The following MAP3K9 variants were observed in gnomAD, a reference collection of about 807,000 sequenced individuals.
MAP3K9 encodes the protein mitogen-activated protein kinase kinase kinase 9, also known as mixed lineage kinase 1 (tyr and ser/thr specificity).
Under a neutral mutation model 95.8 loss-of-function variants are expected in MAP3K9, and 46 were observed. The ratio of observed to expected loss-of-function variants is 0.48; its 90% CI spans 0.38 to 0.61. The LOEUF (loss-of-function observed/expected upper bound fraction) is 0.61, where lower values mean the gene tolerates loss of function less well. MAP3K9 is among the 20% of genes least tolerant of loss of function. The probability of loss-of-function intolerance (pLI) is 0.00; values close to 1 mark genes in which losing one functional copy is unlikely to be tolerated. For synonymous variants in MAP3K9, 533 were observed against 593.8 expected, an observed-to-expected ratio of 0.90 and a Z score of 1.49; for missense variants, 1,296 against 1,474.3, an observed-to-expected ratio of 0.88 and a Z score of 1.98.
At chr14:70,751,571 T>C (rs908013291) in intron 3 of MAP3K9, among the ~76,000 whole-genome samples, 20 of 151,782 alleles carry the variant, frequency 1.3e-4, no homozygotes, top group African/African-American at 4.4e-4. Flanking sequence ...ATACAAAAAT[T>C]AGCCAGGTGT....
intron 3 of MAP3K9, among the ~76,000 whole-genome samples, chr14:70,759,513 A>C (rs1442684754): frequency 2.0e-5 from 3 of 152,194 alleles, no homozygotes; most frequent in African/African-American, 7.2e-5. Context: ...GGTGGCCCTA[A>C]AAAGCTATAT....
Position 70,730,684 on chromosome 14 carries a change from A to T in MAP3K9, c.3011T>A (p.Leu1004Gln). The T allele has an allele frequency of 1.9e-6, 3 of 1,613,820 alleles. No homozygotes were observed. Among genetic ancestry groups the T allele is most frequent in the Non-Finnish European group, 2.5e-6 (3 of 1,180,022 alleles). ...RPRPSANRQR[L>Q]DPWWFVSPSH... ...GGGGGACACAAACCACCAAGGGTCC[A>T]GCCGTTGCCGGTTGGCAGAAGGACG... Residue 1004 changes from leucine (L) to glutamine (Q), a missense_variant, in exon 12 of 12, where the codon CTG (leucine) becomes CAG (glutamine). Physicochemically the swap from Leu to Gln is moderately radical, Grantham distance 113. Coordinates refer to ENST00000554752, the MANE Select transcript of MAP3K9 (RefSeq NM_001284230.2).
intron 2 of MAP3K9, 101 bp from the exon 3 acceptor site, chr14:70,761,283 G>A (rs11621281): frequency 0.31 from 287,453 of 927,976 alleles, 46,174 homozygotes; most frequent in Admixed American, 0.36. Flanking sequence ...TCTCCTGTGG[G>A]CTCCAGCATT....
chr14:70,734,354 C>T, intron 10 of MAP3K9, 32 bp downstream of exon 10: 1 of 1,490,900 alleles, frequency 6.7e-7, no homozygotes. Context: ...AGCAGGGAGA[C>T]AGCCAAGACT....
At chr14:70,747,777 A>G (rs1026975581) in intron 5 of MAP3K9, among the ~76,000 whole-genome samples, 43 of 152,340 alleles carry the variant, frequency 2.8e-4, no homozygotes, top group African/African-American at 1.0e-3. Flanking sequence ...AAACAATTTT[A>G]GCTATCATTA....
At chr14:70,734,651 C>T (rs1166777310) in intron 9 of MAP3K9, among the ~76,000 whole-genome samples, 153 bp from the exon 10 acceptor site, 1 of 152,218 alleles carries the variant, frequency 6.6e-6, no homozygotes, top group Non-Finnish European at 1.5e-5. Flanking sequence ...ACCAAGCCCA[C>T]CTGCTTCACA....
chr14:70,806,180 G>A lies in MAP3K9; in HGVS notation c.406+2586C>T, dbSNP rs554405174. On this transcript the variant is annotated intron_variant, in intron 1 of 11. Transcript: ENST00000554752. ...GGTTTGTCAATCGTCTTCACTTTCC[G>A]AGTGACACAAACTGATCTGGTAGAG... Among the ~76,000 whole-genome samples, 6 of 152,260 alleles carry A rather than the reference G, an allele frequency of 3.9e-5. No individual in the cohort carries two copies. The East Asian group carries it at 1.2e-3, about 29-fold the overall frequency.
chr14:70,803,757 G>A (rs1279100421), intron 1 of MAP3K9, among the ~76,000 whole-genome samples: 2 of 152,158 alleles, frequency 1.3e-5, no homozygotes, highest in African/African-American at 4.8e-5. Flanking sequence ...ACCTTATCCA[G>A]CAATCTTCCT....
At chr14:70,739,163 T>C (rs1308930175) in intron 7 of MAP3K9, among the ~76,000 whole-genome samples, 1 of 152,216 alleles carries the variant, frequency 6.6e-6, no homozygotes, top group Non-Finnish European at 1.5e-5. Flanking sequence ...GGAGTCTCAC[T>C]CTGTCGCCCA....
intron 2 of MAP3K9, among the ~76,000 whole-genome samples, chr14:70,784,327 C>A (rs1483971699): frequency 6.6e-6 from 1 of 151,898 alleles, no homozygotes; most frequent in African/African-American, 2.4e-5. Flanking sequence ...AAATAAAAAA[C>A]AAAACCACAA....
At chr14:70,791,268 T>C (rs1278971287) in intron 2 of MAP3K9, among the ~76,000 whole-genome samples, 1 of 152,122 alleles carries the variant, frequency 6.6e-6, no homozygotes, top group Non-Finnish European at 1.5e-5. Context: ...AACTAAAAGC[T>C]CATGGTCCAG....
chr14:70,763,937 G>A (rs1370645761), intron 2 of MAP3K9, among the ~76,000 whole-genome samples: 2 of 151,668 alleles, frequency 1.3e-5, no homozygotes, highest in Non-Finnish European at 2.9e-5. Flanking sequence ...TGTAATCCCA[G>A]CACTTTGGGA....
chr14:70,798,562 T>C (rs1307823892), intron 2 of MAP3K9, among the ~76,000 whole-genome samples: 1 of 133,780 alleles, frequency 7.5e-6, no homozygotes, highest in Non-Finnish European at 1.6e-5. Context: ...CACTGCAAGC[T>C]CCGCCTCCCG....
Position 70,729,507 on chromosome 14 carries a change from TCC to T in MAP3K9, c.*871_*872del. On this transcript the variant is annotated 3_prime_UTR_variant, in exon 12 of 12. Transcript: ENST00000554752. ...CTTAGAACTGGCACCAGTGAGTGAG[TCC>T]CCCAAGAAACTATTCCTGGGATGAG... 6.6e-6 allele frequency: 1 copy of T among 152,092 alleles called. No homozygotes were observed. The highest frequency in any genetic ancestry group is 2.1e-4 in the South Asian group (1 of 4,804). The allele number at this position is 152,092 out of a possible 1,614,324, so 9.4% of individuals were successfully genotyped here.
At chr14:70,735,740 T>C (rs1020806423) in intron 9 of MAP3K9, among the ~76,000 whole-genome samples, 2 of 152,116 alleles carry the variant, frequency 1.3e-5, no homozygotes, top group Non-Finnish European at 1.5e-5. Context: ...AGTATCCTAA[T>C]TGGAGTGGTC....
At position 70,784,208 on chromosome 14, in the gene MAP3K9, G is replaced by A. The variant is rs745735064; in HGVS notation, c.820+16459C>T. Among the ~76,000 whole-genome samples, 8 of 151,998 alleles carry A rather than the reference G, an allele frequency of 5.3e-5. No individual in the cohort carries two copies. The East Asian group carries it at 1.2e-3, about 22-fold the overall frequency. Reference sequence around the variant, plus strand: ...TGAGGCAGGAGAATCGCTTGAACCCGGGAGGTGGAGGCTGCAGCAAGCTGA... The same window carrying A: ...TGAGGCAGGAGAATCGCTTGAACCCAGGAGGTGGAGGCTGCAGCAAGCTGA... On this transcript the variant is annotated intron_variant, in intron 2 of 11. Coordinates refer to ENST00000554752, the MANE Select transcript of MAP3K9 (RefSeq NM_001284230.2).
At chr14:70,757,950 T>A (rs1356704104) in intron 3 of MAP3K9, among the ~76,000 whole-genome samples, 2 of 152,064 alleles carry the variant, frequency 1.3e-5, no homozygotes, top group Admixed American at 1.3e-4. Flanking sequence ...ATAAAACTCT[T>A]AGAAAAAAAT....
chr14:70,784,624 T>A (rs2054724940), intron 2 of MAP3K9, among the ~76,000 whole-genome samples: 2 of 151,992 alleles, frequency 1.3e-5, no homozygotes, highest in Non-Finnish European at 2.9e-5. Context: ...GCGTCAGTAA[T>A]CCCAGCTACT....
intron 7 of MAP3K9, among the ~76,000 whole-genome samples, chr14:70,738,716 G>A (rs185352735): frequency 6.6e-6 from 1 of 152,256 alleles, no homozygotes; most frequent in East Asian, 1.9e-4. Flanking sequence ...GGTGGGATTG[G>A]GTAGTGAGCA....
Sources: gnomAD v4.1 joint callset for allele counts (sites outside exome capture counted in the v4.1 genomes callset) on GRCh38, gnomAD v4.1.1 for gene constraint, MANE v1.5 for transcripts, NCBI Gene and HGNC (gene_info 2026-07-23, HGNC 2026-07-21) for gene names.